The following MEIS1 variants were observed in gnomAD, a reference collection of about 807,000 sequenced individuals.
MEIS1 encodes homeobox protein Meis1.
MEIS1 carries 5 observed loss-of-function variants against 50.8 expected under a neutral mutation model. The observed-to-expected ratio is 0.10, with a 90% CI of 0.05 to 0.21. MEIS1 has a LOEUF of 0.21. MEIS1 is among the 10% of genes least tolerant of loss of function. The pLI is 1.00. For synonymous variants in MEIS1, 176 were observed against 179.3 expected (o/e 0.98, Z 0.15); for missense variants, 318 against 517.3 (o/e 0.61, Z 3.74).
intron 6 of MEIS1, among the ~76,000 whole-genome samples, chr2:66,463,643 C>G (rs1672570458): frequency 6.6e-6 from 1 of 152,122 alleles, no homozygotes; most frequent in Non-Finnish European, 1.5e-5. Flanking sequence ...CTATTATGGA[C>G]CCAGGCCTAA....
intron 8 of MEIS1, among the ~76,000 whole-genome samples, chr2:66,547,436 G>A (rs181663789): frequency 2.0e-5 from 3 of 152,224 alleles, no homozygotes; most frequent in Non-Finnish European, 1.5e-5. Context: ...GTGTATGTGT[G>A]TGTGTGTGTG....
In MEIS1 at chr2:66,502,865, C is replaced by T. The variant is rs562374423; in HGVS notation, c.743-9284C>T. ...CCCTTATTCTTATACTTTCTTCCTG[C>T]ACCCAGGGCTCAGACATCAGTTGGA... On this transcript the variant is annotated intron_variant, in intron 7 of 12. Transcript: ENST00000272369. Among the ~76,000 whole-genome samples the T allele has an allele frequency of 4.6e-5, 7 of 152,328 alleles. No individual in the cohort carries two copies. The South Asian group carries it at 1.2e-3, about 27-fold the overall frequency.
chr2:66,464,700 T>C (rs545890665), intron 7 of MEIS1, among the ~76,000 whole-genome samples: 1 of 152,256 alleles, frequency 6.6e-6, no homozygotes, highest in South Asian at 2.1e-4. Context: ...CTGGTTTTAC[T>C]TATCTGAATC....
chr2:66,459,649 A>C (rs919039091), intron 6 of MEIS1, among the ~76,000 whole-genome samples: 3 of 152,194 alleles, frequency 2.0e-5, no homozygotes, highest in Non-Finnish European at 4.4e-5. Context: ...TTTGGGGGTC[A>C]AAAATAGACA....
At chr2:66,502,806 T>G (rs1673588559) in intron 7 of MEIS1, among the ~76,000 whole-genome samples, 2 of 152,324 alleles carry the variant, frequency 1.3e-5, no homozygotes, top group South Asian at 2.1e-4. Flanking sequence ...AGACTGGCTC[T>G]GTGCACAGGA....
chr2:66,442,735 A>G lies in MEIS1; in HGVS notation c.484-167A>G, dbSNP rs1672026269. 1.2e-5 allele frequency: 7 copies of G among 601,758 alleles called. No individual in the cohort carries two copies. The East Asian group carries it at 2.1e-4, about 18-fold the overall frequency. The allele number at this position is 601,758 out of a possible 1,614,324, so 37.3% of individuals were successfully genotyped here. On this transcript the variant is annotated intron_variant, in intron 5 of 12. Transcript: ENST00000272369. ...GGATATCTCTATTTTGCAAGAAAAG[A>G]AAGTTATTCCTAATTCTGGATGCGT...
intron 3 of MEIS1, 83 bp downstream of exon 3, chr2:66,440,067 G>GAACACACA: frequency 9.9e-7 from 1 of 1,012,644 alleles, no homozygotes; most frequent in Non-Finnish European, 1.3e-6. Context: ...GCGCGCGCGC[G>GAACACACA]AACACACACA....
intron 7 of MEIS1, among the ~76,000 whole-genome samples, chr2:66,500,593 T>G (rs1310134489): frequency 6.6e-6 from 1 of 151,956 alleles, no homozygotes; most frequent in Admixed American, 6.6e-5. Flanking sequence ...TCCAGCTAAG[T>G]TTTGTATTTT....
chr2:66,481,635 A>G (rs1433012854), intron 7 of MEIS1, among the ~76,000 whole-genome samples: 2 of 152,134 alleles, frequency 1.3e-5, no homozygotes, highest in East Asian at 3.9e-4. Flanking sequence ...CTTTATTCTC[A>G]TGAGTCTTGC....
chr2:66,571,175 C>T (rs1675477909), intron 12 of MEIS1, 71 bp from the exon 13 acceptor site: 3 of 1,469,804 alleles, frequency 2.0e-6, no homozygotes, highest in Admixed American at 4.8e-5. Context: ...ATAGGATTGT[C>T]ATAGCCAGGA....
At chr2:66,487,454 A>T (rs1319425539) in intron 7 of MEIS1, among the ~76,000 whole-genome samples, 1 of 152,182 alleles carries the variant, frequency 6.6e-6, no homozygotes, top group Admixed American at 6.5e-5. Context: ...GGAGATAGAT[A>T]TTTCAGCTAT....
intron 9 of MEIS1, 141 bp from the exon 10 acceptor site, chr2:66,567,312 C>T (rs1675372547): frequency 1.2e-6 from 1 of 831,468 alleles, no homozygotes; most frequent in Admixed American, 2.0e-5. Context: ...TGAGGCTGCA[C>T]ATAGAGCAAT....
At chr2:66,534,046 T>C (rs1674459211) in intron 8 of MEIS1, among the ~76,000 whole-genome samples, 1 of 152,174 alleles carries the variant, frequency 6.6e-6, no homozygotes, top group South Asian at 2.1e-4. Context: ...TCTCTAAATA[T>C]ATGCCAGACC....
chr2:66,497,692 C>T (rs533123012), intron 7 of MEIS1, among the ~76,000 whole-genome samples: 95 of 152,104 alleles, frequency 6.2e-4, no homozygotes, highest in African/African-American at 1.7e-3. Flanking sequence ...CTTAGGACTT[C>T]GAGAGCAGCC....
chr2:66,451,622 G>A (rs1322497780), intron 6 of MEIS1, among the ~76,000 whole-genome samples: 1 of 152,026 alleles, frequency 6.6e-6, no homozygotes, highest in Non-Finnish European at 1.5e-5. Context: ...TGATAGACAA[G>A]ATATAATTAA....
chr2:66,473,011 C>A (rs1223212412), intron 7 of MEIS1, among the ~76,000 whole-genome samples: 1 of 152,064 alleles, frequency 6.6e-6, no homozygotes, highest in Non-Finnish European at 1.5e-5. Context: ...TCAAATAAAA[C>A]CCACAGGACT....
rs562989856 is a variant in MEIS1, at chr2:66,566,892, A to G, written c.966-561A>G. 2.0e-5 allele frequency among the ~76,000 whole-genome samples: 3 copies of G among 151,960 alleles called. 1 individual carries two copies. Among genetic ancestry groups the G allele is most frequent in the African/African-American group, 7.2e-5 (3 of 41,452 alleles). On this transcript the variant is annotated intron_variant, in intron 9 of 12. Coordinates refer to ENST00000272369, the MANE Select transcript of MEIS1 (RefSeq NM_002398.3). ...AATGCATTTCTCTGAAGTCCTAAGC[A>G]GTGTGAGTTAGTGGTGATAAACTCC...
Position 66,559,852 on chromosome 2 carries a change from C to T in MEIS1, c.966-7601C>T, listed in dbSNP as rs1486100813. On this transcript the variant is annotated intron_variant, in intron 9 of 12. Transcript: ENST00000272369. ...CATTCTGTTGCCTAGGCCGGAATGC[C>T]ATGGTGTGATCATGATTCACTGCAG... 3.9e-5 allele frequency among the ~76,000 whole-genome samples: 6 copies of T among 152,102 alleles called. No individual in the cohort carries two copies. The East Asian group carries it at 5.8e-4, about 15-fold the overall frequency.
chr2:66,447,117 G>A (rs542280299), intron 6 of MEIS1, among the ~76,000 whole-genome samples: 1 of 152,282 alleles, frequency 6.6e-6, no homozygotes, highest in Non-Finnish European at 1.5e-5. Flanking sequence ...TGCATGGATG[G>A]GATCTGCTGC....
Sources: allele counts gnomAD v4.1 joint callset (sites outside exome capture counted in the v4.1 genomes callset), GRCh38; gene constraint gnomAD v4.1.1; transcripts MANE v1.5; gene names NCBI Gene and HGNC (gene_info 2026-07-23, HGNC 2026-07-21).